The following ZNF541 variants were observed in gnomAD, a reference collection of about 807,000 sequenced individuals.
The protein encoded by ZNF541 is zinc finger protein 541.
Under a neutral mutation model 123.5 loss-of-function variants are expected in ZNF541, and 23 were observed. The ratio of observed to expected loss-of-function variants is 0.19; its 90% CI spans 0.13 to 0.26. The LOEUF (loss-of-function observed/expected upper bound fraction) is 0.26. Ranked by LOEUF, ZNF541 falls within the 10% of genes least tolerant of loss-of-function variation. The pLI, the probability that ZNF541 is intolerant of heterozygous loss-of-function variation, is 1.00. For missense variants in ZNF541, 1,612 were observed against 1,789.9 expected (o/e 0.90, Z 1.79); for synonymous variants, 751 against 754.5 (o/e 1.00, Z 0.08).
chr19:47,543,234 G>A (rs1358005799), intron 5 of ZNF541, among the ~76,000 whole-genome samples: 1 of 152,110 alleles, frequency 6.6e-6, no homozygotes, highest in African/African-American at 2.4e-5. Flanking sequence ...TGAGTAGCTG[G>A]GACCACAGGC....
chr19:47,558,625 G>A (rs894418299), intron 2 of ZNF541, among the ~76,000 whole-genome samples: 11 of 149,296 alleles, frequency 7.4e-5, no homozygotes, highest in African/African-American at 2.7e-4. Context: ...ATGGAGTTTC[G>A]CTCTGTCGCC....
intron 5 of ZNF541, among the ~76,000 whole-genome samples, chr19:47,543,498 T>A (rs1218349440): frequency 2.6e-5 from 4 of 152,024 alleles, no homozygotes; most frequent in Admixed American, 2.6e-4. Flanking sequence ...AGCAGGAATC[T>A]TTAAAGGAAA....
In ZNF541 at chr19:47,531,679, G is replaced by A. The variant is rs1322191091; in HGVS notation, c.3368C>T (p.Ala1123Val). Residue 1123 changes from alanine (A) to valine (V), a missense_variant, in exon 12 of 17, where the codon GCT becomes GTT. Physicochemically the swap from Ala to Val is moderately conservative, Grantham distance 64. Around this residue, in one of 5 missense-constraint regions of ZNF541, gnomAD observed 285 missense variants for 407.3 expected, o/e 0.70. Coordinates refer to ENST00000391901, the MANE Select transcript of ZNF541 (RefSeq NM_001277075.3). ...CTGAGCCTCGTGCAGGCAGTGCAGAGCGAGCTCCAGGTTGGTGCCCCCTCC... is the reference window on the plus strand; with the variant it reads ...CTGAGCCTCGTGCAGGCAGTGCAGAACGAGCTCCAGGTTGGTGCCCCCTCC... ...MPGGGTNLEL[A>V]LHCLHEAQGN... is the part of the protein sequence containing the mutation. 6.5e-7 allele frequency: 1 copy of A among 1,548,666 alleles called. No individual in the cohort carries two copies. The highest frequency in any genetic ancestry group is 8.7e-7 in the Non-Finnish European group (1 of 1,144,758).
At chr19:47,540,102 C>A in intron 7 of ZNF541, 74 bp downstream of exon 7, 1 of 1,488,388 alleles carries the variant, frequency 6.7e-7, no homozygotes. Flanking sequence ...AGATAAGTGA[C>A]ACCAATCTCG....
chr19:47,521,223 G>T lies in ZNF541; in HGVS notation c.*1C>A, dbSNP rs1200329758. The T allele has an allele frequency of 1.3e-6, 2 of 1,550,958 alleles. No homozygotes were observed. Among genetic ancestry groups the T allele is most frequent in the East Asian group, 4.9e-5 (2 of 40,920 alleles). ...CCCATTCGGACTTGCTGCCACGGGA[G>T]TCACCACTGCAGGGGGCCGATGTCA... On this transcript the variant is annotated 3_prime_UTR_variant, in exon 17 of 17. Transcript: ENST00000391901. This position sits in a 1 kb window ranked among gnomAD's most constrained non-coding sequence, Gnocchi z 4.2.
intron 12 of ZNF541, among the ~76,000 whole-genome samples, chr19:47,531,415 C>T (rs553277355): frequency 9.3e-4 from 142 of 151,984 alleles, no homozygotes; most frequent in Non-Finnish European, 1.7e-3. Context: ...GGAACCCCTG[C>T]GCTTGATTGT....
At chr19:47,543,142 A>G (rs996304367) in intron 5 of ZNF541, among the ~76,000 whole-genome samples, 39 of 152,168 alleles carry the variant, frequency 2.6e-4, no homozygotes, top group African/African-American at 9.1e-4. Context: ...AAAATGGTGC[A>G]TTATTTGGCA....
rs369772894 is a variant in ZNF541, at chr19:47,566,844, G to T, written c.-99+5052C>A. On this transcript the variant is annotated intron_variant, in intron 2 of 16. Transcript: ENST00000391901. ...AGGCGGGCGGATCACAAGGTCAGGA[G>T]ATTGAGACCATCCTGGCTAACATGG... Among the ~76,000 whole-genome samples the T allele has an allele frequency of 1.1e-4, 17 of 151,924 alleles. No homozygotes were observed. In the East Asian group the frequency reaches 3.1e-3, roughly 28 times the overall value.
chr19:47,521,330 CG>C lies in ZNF541; in HGVS notation c.3934del (p.Arg1312AlafsTer12), dbSNP rs1324662688. 6.4e-7 allele frequency: 1 copy of C among 1,551,716 alleles called. No individual in the cohort carries two copies. Among genetic ancestry groups the C allele is most frequent in the East Asian group, 2.4e-5 (1 of 40,920 alleles). On this transcript the variant is annotated frameshift_variant, in exon 17 of 17. Transcript: ENST00000391901. LOFTEE classifies it high-confidence loss of function. This position sits in a 1 kb window ranked among gnomAD's most constrained non-coding sequence, Gnocchi z 4.2. Reference sequence around the variant, plus strand: ...GATGGGCTCCACGTGGTCCTGAAGGCGGTGCCGCTTCATATGGGCATTTCGA... The same window carrying C: ...GATGGGCTCCACGTGGTCCTGAAGGCGTGCCGCTTCATATGGGCATTTCGA... ...KSRNAHMKRH[R>X]LQDHVEPIIR...
intron 2 of ZNF541, among the ~76,000 whole-genome samples, chr19:47,566,837 G>T (rs1971283127): frequency 6.6e-6 from 1 of 151,852 alleles, no homozygotes; most frequent in Non-Finnish European, 1.5e-5. Context: ...GGATCACAAG[G>T]TCAGGAGATT....
At position 47,544,536 on chromosome 19, in the gene ZNF541, G is replaced by A; in HGVS notation, c.1993C>T (p.Leu665=). The change falls in exon 5 of 17, where the codon CTG becomes TTG. Residue 665 remains leucine (L), a synonymous_variant. Coordinates refer to ENST00000391901, the MANE Select transcript of ZNF541 (RefSeq NM_001277075.3). ...ATGTCTGGATTCCTGGAAGGGTCCAGAGACGGTGCTGCAAGGGGCGTTGGA... is the reference window on the plus strand; with the variant it reads ...ATGTCTGGATTCCTGGAAGGGTCCAAAGACGGTGCTGCAAGGGGCGTTGGA... ...AVPTPLAAPS[L]DPSRNPDISS... 6.4e-7 allele frequency: 1 copy of A among 1,551,606 alleles called. No homozygotes were observed. Among genetic ancestry groups the A allele is most frequent in the Non-Finnish European group, 8.7e-7 (1 of 1,146,988 alleles).
intron 9 of ZNF541, 97 bp downstream of exon 9, chr19:47,538,045 G>C: frequency 7.2e-7 from 1 of 1,391,356 alleles, no homozygotes; most frequent in Non-Finnish European, 9.8e-7. Context: ...ACCCAGGCAG[G>C]AGACAATCAC....
chr19:47,549,547 T>G lies in ZNF541; in HGVS notation c.308-62A>C. The G allele has an allele frequency of 5.2e-6, 8 of 1,542,088 alleles. No homozygotes were observed. In the South Asian group the frequency reaches 9.6e-5, roughly 18 times the overall value. ...AAGGCAACCAAGCGAAAAGCACGAC[T>G]AAGGCACTCTACACCTCTTAGAACC... On this transcript the variant is annotated intron_variant, in intron 3 of 16. Coordinates refer to ENST00000391901, the MANE Select transcript of ZNF541 (RefSeq NM_001277075.3).
In ZNF541 at chr19:47,538,116, AGAGT is replaced by A. The variant is rs1427948352; in HGVS notation, c.3094+22_3094+25del. ...CGCAGGCAATCCACCCTGGGATCAC[AGAGT>A]GAGTGCCCCAGCCTCACTCACCGAG... On this transcript the variant is annotated intron_variant, in intron 9 of 16. Transcript: ENST00000391901. 8 of 1,548,976 alleles carry A rather than the reference AGAGT, an allele frequency of 5.2e-6. No individual in the cohort carries two copies. The African/African-American group carries it at 8.2e-5, about 16-fold the overall frequency.
In ZNF541 at chr19:47,545,661, G is replaced by C. The variant is rs113816177; in HGVS notation, c.868C>G (p.Pro290Ala). ...SSIVHQKTPS[P>A]GPAPAGASDS... ...GAAGCCCCCGCCGGGGCTGGGCCAG[G>C]AGAAGGGGTCTTCTGGTGGACGATG... The change falls in exon 5 of 17, where the codon CCT (proline) becomes GCT (alanine). Residue 290 changes from proline (P) to alanine (A), a missense_variant. By Grantham distance (27) the Pro-to-Ala change is conservative. Transcript: ENST00000391901. This position sits in a 1 kb window ranked among gnomAD's most constrained non-coding sequence, Gnocchi z 7.5. 6.5e-7 allele frequency: 1 copy of C among 1,549,658 alleles called. No homozygotes were observed. Among genetic ancestry groups the C allele is most frequent in the African/African-American group, 1.4e-5 (1 of 73,156 alleles).
At chr19:47,557,440 T>C (rs1970869458) in intron 2 of ZNF541, among the ~76,000 whole-genome samples, 1 of 152,138 alleles carries the variant, frequency 6.6e-6, no homozygotes, top group Admixed American at 6.6e-5. Context: ...ATTACCCTGA[T>C]GGCAAACTTC....
chr19:47,573,100 C>A lies in ZNF541; in HGVS notation c.-263G>T, dbSNP rs1307265397. ...GGTTTTACCCGCCCCCGGGGGCTCG[C>A]GCGCCGGGCCTCGCGCCTGGCGCCT... On this transcript the variant is annotated 5_prime_UTR_variant, in exon 1 of 17. Transcript: ENST00000391901. 6.7e-6 allele frequency among the ~76,000 whole-genome samples: 1 copy of A among 150,168 alleles called. No homozygotes were observed.
intron 2 of ZNF541, among the ~76,000 whole-genome samples, chr19:47,569,984 A>G (rs1971415564): frequency 6.6e-6 from 1 of 152,014 alleles, no homozygotes. Flanking sequence ...AGGTAAAGTC[A>G]TTTTCTCTGG....
At chr19:47,564,080 C>A (rs1971170449) in intron 2 of ZNF541, among the ~76,000 whole-genome samples, 1 of 152,194 alleles carries the variant, frequency 6.6e-6, no homozygotes, top group Non-Finnish European at 1.5e-5. Flanking sequence ...AACCCAGATA[C>A]TCTGACATTA....
Sources: allele counts gnomAD v4.1 joint callset (sites outside exome capture counted in the v4.1 genomes callset), GRCh38; gene constraint gnomAD v4.1.1; regional missense constraint gnomAD v4.1.1; non-coding constraint Gnocchi (gnomAD v3.1); transcripts MANE v1.5; gene names NCBI Gene and HGNC (gene_info 2026-07-23, HGNC 2026-07-21).